The following ZKSCAN5 variants were observed in gnomAD, a reference collection of about 807,000 sequenced individuals.
ZKSCAN5 encodes the protein zinc finger protein with KRAB and SCAN domains 5.
Under a neutral mutation model 60.0 loss-of-function variants are expected in ZKSCAN5, and 28 were observed. The observed-to-expected ratio is 0.47, with a 90% CI of 0.35 to 0.64. ZKSCAN5 has a LOEUF of 0.64. Ranked by LOEUF, ZKSCAN5 falls within the 30% of genes least tolerant of loss-of-function variation. ZKSCAN5 has a pLI of 0.01. For missense variants in ZKSCAN5, 881 were observed against 1,034.6 expected (o/e 0.85, Z 2.04); for synonymous variants, 361 against 371.2 (o/e 0.97, Z 0.31).
At chr7:99,522,202 A>G (rs1801566417) in intron 5 of ZKSCAN5, among the ~76,000 whole-genome samples, 1 of 152,204 alleles carries the variant, frequency 6.6e-6, no homozygotes, top group South Asian at 2.1e-4. Flanking sequence ...GATTTCTATT[A>G]ATAACAGCAT....
In ZKSCAN5 at chr7:99,531,097, A is replaced by T; in HGVS notation, c.1379-11A>T. The T allele has an allele frequency of 6.4e-7, 1 of 1,557,568 alleles. No homozygotes were observed. The highest frequency in any genetic ancestry group is 1.2e-5 in the South Asian group (1 of 81,476). ...CTGATGACATTTTCACTTGCTCTTT[A>T]TTTTTTTTAGGCAGTGACAAAAGAA... On this transcript the variant is annotated splice_polypyrimidine_tract_variant and intron_variant, in intron 6 of 6. Transcript: ENST00000326775.
chr7:99,508,306 A>C (rs1001780342), intron 2 of ZKSCAN5, among the ~76,000 whole-genome samples: 2 of 151,908 alleles, frequency 1.3e-5, no homozygotes, highest in African/African-American at 2.4e-5. Flanking sequence ...TCAAAAAAAA[A>C]AGTACATTTG....
rs1005779624 is a variant in ZKSCAN5, at chr7:99,520,229, G to C, written c.697G>C (p.Gly233Arg). Residue 233 changes from glycine to arginine, a missense_variant, in exon 5 of 7, where the codon GGG becomes CGG. Coordinates refer to ENST00000326775, the MANE Select transcript of ZKSCAN5 (RefSeq NM_145102.4). ...TGTATCCTTCATCCTGGAGGAATGGGGGCATTTGGACCAGTCCCAGAAGTC... is the reference window on the plus strand; with the variant it reads ...TGTATCCTTCATCCTGGAGGAATGGCGGCATTTGGACCAGTCCCAGAAGTC... ...VAVSFILEEW[G>R]HLDQSQKSLY... 3 of 1,614,168 alleles carry C rather than the reference G, an allele frequency of 1.9e-6. No homozygotes were observed. The highest frequency in any genetic ancestry group is 2.5e-6 in the Non-Finnish European group (3 of 1,180,042).
chr7:99,532,052 T>C lies in ZKSCAN5; in HGVS notation c.2323T>C (p.Cys775Arg). 1 of 1,614,186 alleles carries C rather than the reference T, an allele frequency of 6.2e-7. No homozygotes were observed. The highest frequency in any genetic ancestry group is 8.5e-7 in the Non-Finnish European group (1 of 1,180,038). ...KIYSSTKSHQCHECGRGFTLK... is the reference protein window; with the variant it reads ...KIYSSTKSHQRHECGRGFTLK... ...CTACTCCAGCACAAAATCCCATCAA[T>C]GTCATGAATGTGGCAGAGGCTTCAC... Residue 775 changes from cysteine to arginine, a missense_variant, in exon 7 of 7, where the codon TGT (cysteine) becomes CGT (arginine). Transcript: ENST00000326775.
At chr7:99,505,208 G>A (rs990657289) in intron 1 of ZKSCAN5, 1 of 152,194 alleles carries the variant, frequency 6.6e-6, no homozygotes, top group Non-Finnish European at 1.5e-5. Flanking sequence ...TGCTTTCGGG[G>A]GGGGGTGGGA....
chr7:99,528,075 A>C (rs1276507506), intron 6 of ZKSCAN5, among the ~76,000 whole-genome samples: 2 of 149,972 alleles, frequency 1.3e-5, no homozygotes, highest in Non-Finnish European at 3.0e-5. Flanking sequence ...AAAGGCCCTT[A>C]CTAATATTCT....
At position 99,531,319 on chromosome 7, in the gene ZKSCAN5, G is replaced by A; in HGVS notation, c.1590G>A (p.Met530Ile). Reference sequence around the variant, plus strand: ...TAGGACAACCATCTTCAAAGAGGATGAACTACAGTGAAGTCCCATATGTCC... The same window carrying A: ...TAGGACAACCATCTTCAAAGAGGATAAACTACAGTGAAGTCCCATATGTCC... ...EILGQPSSKRMNYSEVPYVHK... is the reference protein window; with the variant it reads ...EILGQPSSKRINYSEVPYVHK... Residue 530 changes from methionine to isoleucine, a missense_variant, in exon 7 of 7, where the codon ATG becomes ATA. This residue lies in a region of ZKSCAN5 where 490 missense variants were observed against 554.5 expected (regional missense o/e 0.88). Coordinates refer to ENST00000326775, the MANE Select transcript of ZKSCAN5 (RefSeq NM_145102.4). The A allele has an allele frequency of 6.2e-7, 1 of 1,614,160 alleles. No homozygotes were observed.
At chr7:99,516,949 A>G (rs1027872667) in intron 3 of ZKSCAN5, among the ~76,000 whole-genome samples, 6 of 152,144 alleles carry the variant, frequency 3.9e-5, no homozygotes, top group Non-Finnish European at 7.3e-5. Context: ...GGGGTGTCCA[A>G]TCTTTTGGCT....
rs1584213338 is a variant in ZKSCAN5, at chr7:99,533,125, C to T, written c.*876C>T. The T allele has an allele frequency of 9.4e-6, 4 of 426,498 alleles. No individual in the cohort carries two copies. The highest frequency in any genetic ancestry group is 4.0e-5 in the African/African-American group (2 of 50,326). 26.4% of individuals were successfully genotyped at this position (426,498 alleles called of 1,614,324 possible). ...GAAGGAGTTGGACCAAGGCGAATTA[C>T]GAGTCCTGGTCCCAGCAGTATGTGT... On this transcript the variant is annotated 3_prime_UTR_variant, in exon 7 of 7. Transcript: ENST00000326775.
At chr7:99,518,131 A>G (rs1801346591) in intron 3 of ZKSCAN5, among the ~76,000 whole-genome samples, 1 of 152,182 alleles carries the variant, frequency 6.6e-6, no homozygotes, top group Non-Finnish European at 1.5e-5. Flanking sequence ...GGAGCTTATT[A>G]GAAGTGCAAA....
rs747583655 is a variant in ZKSCAN5, at chr7:99,531,760, T to G, written c.2031T>G (p.Ile677Met). The change falls in exon 7 of 7, where the codon ATT becomes ATG. Residue 677 changes from isoleucine (I) to methionine (M), a missense_variant. Ile to Met is a conservative substitution (Grantham distance 10). Coordinates refer to ENST00000326775, the MANE Select transcript of ZKSCAN5 (RefSeq NM_145102.4). ...GEIFFQYVSL[I>M]EHQVLHMGQK... Reference sequence around the variant, plus strand: ...TCTTTTTTCAGTACGTTAGCCTAATTGAACATCAGGTGCTCCACATGGGTC... The same window carrying G: ...TCTTTTTTCAGTACGTTAGCCTAATGGAACATCAGGTGCTCCACATGGGTC... 19 of 1,614,010 alleles carry G rather than the reference T, an allele frequency of 1.2e-5. No individual in the cohort carries two copies. The highest frequency in any genetic ancestry group is 1.6e-4 in the Middle Eastern group (1 of 6,084).
chr7:99,514,257 TTATC>T (rs1322232814), intron 3 of ZKSCAN5, among the ~76,000 whole-genome samples: 2 of 152,170 alleles, frequency 1.3e-5, no homozygotes, highest in African/African-American at 4.8e-5. Flanking sequence ...TTAAGAAAAT[TTATC>T]TAGGATGTTA....
chr7:99,533,880 G>C lies in ZKSCAN5; in HGVS notation c.*1631G>C. On this transcript the variant is annotated 3_prime_UTR_variant, in exon 7 of 7. Coordinates refer to ENST00000326775, the MANE Select transcript of ZKSCAN5 (RefSeq NM_145102.4). ...TTAGAGAACCTGATCTAAGACATTT[G>C]GTGCCACAAGTGGTCATAGGAAGCT... 1 of 345,328 alleles carries C rather than the reference G, an allele frequency of 2.9e-6. No homozygotes were observed. Among genetic ancestry groups the C allele is most frequent in the Non-Finnish European group, 5.2e-6 (1 of 192,836 alleles). 21.4% of individuals were successfully genotyped at this position (345,328 alleles called of 1,614,324 possible).
At chr7:99,505,204 C>CGGG (rs140049215) in intron 1 of ZKSCAN5, 173 of 145,488 alleles carry the variant, frequency 1.2e-3, no homozygotes, top group African/African-American at 4.2e-3. Flanking sequence ...GAAGTGCTTT[C>CGGG]GGGGGGGGGT....
chr7:99,515,775 A>G (rs1050642999), intron 3 of ZKSCAN5, among the ~76,000 whole-genome samples: 3 of 150,556 alleles, frequency 2.0e-5, no homozygotes, highest in Non-Finnish European at 1.5e-5. Flanking sequence ...TGGAGGTTGC[A>G]GTGAGCAGAG....
chr7:99,518,389 C>T (rs1801361895), intron 3 of ZKSCAN5, among the ~76,000 whole-genome samples: 1 of 151,436 alleles, frequency 6.6e-6, no homozygotes, highest in Non-Finnish European at 1.5e-5. Flanking sequence ...CCACTGCACT[C>T]TAGCCTGGGC....
rs1400067290 is a variant in ZKSCAN5 at position 99,505,207 on chromosome 7, G to GC, written c.-41+474_-41+475insC. Reference sequence around the variant, plus strand: ...AGAGAGGACGCGGAAGTGCTTTCGGGGGGGGGTGGGATCTAACGGTTTAAC... The same window carrying GC: ...AGAGAGGACGCGGAAGTGCTTTCGGGCGGGGGGTGGGATCTAACGGTTTAAC... On this transcript the variant is annotated intron_variant, in intron 1 of 6. Coordinates refer to ENST00000326775, the MANE Select transcript of ZKSCAN5 (RefSeq NM_145102.4). 2.0e-5 allele frequency: 3 copies of GC among 152,290 alleles called. No individual in the cohort carries two copies. In the East Asian group the frequency reaches 5.8e-4, roughly 29 times the overall value. 9.4% of individuals were successfully genotyped at this position (152,290 alleles called of 1,614,324 possible). A position where few individuals can be genotyped will look rare whatever the true frequency, so the allele number is the denominator to read the frequency against.
chr7:99,522,964 A>G (rs1445251559), intron 5 of ZKSCAN5, among the ~76,000 whole-genome samples: 1 of 148,318 alleles, frequency 6.7e-6, no homozygotes, highest in Non-Finnish European at 1.5e-5. Context: ...CAGGAGTTTG[A>G]GACCAGTCTG....
intron 2 of ZKSCAN5, among the ~76,000 whole-genome samples, chr7:99,509,313 G>A (rs962569115): frequency 1.3e-5 from 2 of 151,804 alleles, no homozygotes; most frequent in Non-Finnish European, 2.9e-5. Flanking sequence ...TAGTAGAGAT[G>A]GTGTTTCACC....
Sources: gnomAD v4.1 joint callset for allele counts (sites outside exome capture counted in the v4.1 genomes callset) on GRCh38, gnomAD v4.1.1 for gene constraint, gnomAD v4.1.1 regional missense constraint, MANE v1.5 for transcripts, NCBI Gene and HGNC (gene_info 2026-07-23, HGNC 2026-07-21) for gene names.